Variants in XKR6 observed in about 807,000 individuals in gnomAD.
XKR6 encodes the protein XK-related protein 6.
XKR6 carries 22 observed loss-of-function variants against 56.7 expected under a neutral mutation model. The observed-to-expected ratio is 0.39, with a 90% CI of 0.28 to 0.55. XKR6 has a LOEUF of 0.55. Among genes scored for constraint, XKR6 ranks in the 20% least tolerant of loss-of-function variants. The probability of loss-of-function intolerance (pLI) is 0.66; values close to 1 mark genes in which losing one functional copy is unlikely to be tolerated. For synonymous variants in XKR6, 524 were observed against 387.8 expected (o/e 1.35, Z -4.13); for missense variants, 852 against 889.0 (o/e 0.96, Z 0.53).
At chr8:10,950,620 C>T (rs1421155147) in intron 1 of XKR6, among the ~76,000 whole-genome samples, 2 of 152,208 alleles carry the variant, frequency 1.3e-5, no homozygotes, top group Admixed American at 1.3e-4. Flanking sequence ...CTGAAAACCC[C>T]TGACAAGAAC....
intron 1 of XKR6, among the ~76,000 whole-genome samples, chr8:11,036,417 C>T (rs552953124): frequency 6.6e-6 from 1 of 152,180 alleles, no homozygotes; most frequent in Non-Finnish European, 1.5e-5. Context: ...CTTCTCTGGT[C>T]AAAGAGTTTC....
intron 1 of XKR6, among the ~76,000 whole-genome samples, chr8:11,005,141 G>A (rs1798336050): frequency 6.7e-6 from 1 of 150,146 alleles, no homozygotes; most frequent in Admixed American, 6.6e-5. Context: ...ATTGTATAGG[G>A]CAGGTAGTGT....
chr8:11,038,955 G>C (rs1462520103), intron 1 of XKR6, among the ~76,000 whole-genome samples: 1 of 152,168 alleles, frequency 6.6e-6, no homozygotes, highest in Non-Finnish European at 1.5e-5. Flanking sequence ...TTTCCCACTA[G>C]GGCTGCTTAC....
At chr8:11,144,987 T>C (rs1290345217) in intron 1 of XKR6, among the ~76,000 whole-genome samples, 1 of 99,240 alleles carries the variant, frequency 1.0e-5, no homozygotes, top group Non-Finnish European at 1.9e-5. Flanking sequence ...AAGGGAGGGA[T>C]GGAGAAAGGG....
chr8:11,099,839 G>A (rs1189040640), intron 1 of XKR6, among the ~76,000 whole-genome samples: 3 of 152,166 alleles, frequency 2.0e-5, no homozygotes, highest in African/African-American at 4.8e-5. Flanking sequence ...CCATGGCAGA[G>A]GTGCCACTCT....
intron 1 of XKR6, among the ~76,000 whole-genome samples, chr8:11,119,365 G>GT (rs1321400222): frequency 6.6e-6 from 1 of 152,176 alleles, no homozygotes; most frequent in Admixed American, 6.5e-5. Context: ...GGATAGCCTT[G>GT]TTAACTTTCT....
At chr8:10,933,228 A>G (rs997481054) in intron 1 of XKR6, among the ~76,000 whole-genome samples, 2 of 108,812 alleles carry the variant, frequency 1.8e-5, no homozygotes, top group African/African-American at 8.8e-5. Context: ...TCCCTCGCCC[A>G]CTTTTTGATG....
chr8:10,952,234 G>T (rs754478921), intron 1 of XKR6, among the ~76,000 whole-genome samples: 2 of 152,036 alleles, frequency 1.3e-5, no homozygotes, highest in Non-Finnish European at 2.9e-5. Flanking sequence ...TGACGTTCCC[G>T]CTCTGAAGTG....
At chr8:10,955,404 C>A (rs978955920) in intron 1 of XKR6, among the ~76,000 whole-genome samples, 5 of 152,066 alleles carry the variant, frequency 3.3e-5, no homozygotes, top group Admixed American at 6.6e-5. Context: ...TAGCCTTGAA[C>A]TTTTGGGCTC....
intron 1 of XKR6, among the ~76,000 whole-genome samples, chr8:10,956,514 G>C (rs760923287): frequency 2.6e-5 from 4 of 152,152 alleles, no homozygotes; most frequent in Non-Finnish European, 5.9e-5. Context: ...GCCTCAACTT[G>C]GGAGCTCAGC....
chr8:11,180,283 T>C (rs1374847248), intron 1 of XKR6, among the ~76,000 whole-genome samples: 2 of 152,226 alleles, frequency 1.3e-5, no homozygotes, highest in Non-Finnish European at 2.9e-5. Flanking sequence ...GCATAAAGAA[T>C]GGCTGGAACC....
intron 1 of XKR6, among the ~76,000 whole-genome samples, chr8:10,947,061 G>A (rs898106279): frequency 7.9e-5 from 12 of 152,236 alleles, no homozygotes; most frequent in East Asian, 1.9e-4. Context: ...GGTGAGGATC[G>A]GATGACATAT....
chr8:10,925,170 G>A (rs537687492), intron 1 of XKR6, among the ~76,000 whole-genome samples: 5 of 152,270 alleles, frequency 3.3e-5, no homozygotes, highest in Middle Eastern at 3.4e-3. Context: ...GGTGAGCTCC[G>A]GGACAGGGGT....
At chr8:11,163,148 T>C (rs1397246916) in intron 1 of XKR6, among the ~76,000 whole-genome samples, 1 of 152,178 alleles carries the variant, frequency 6.6e-6, no homozygotes, top group East Asian at 1.9e-4. Flanking sequence ...AAAATGATCA[T>C]AAAATCCACA....
intron 2 of XKR6, among the ~76,000 whole-genome samples, chr8:10,914,648 G>A (rs1471759814): frequency 6.6e-6 from 1 of 152,192 alleles, no homozygotes; most frequent in Non-Finnish European, 1.5e-5. Flanking sequence ...TGAGATTGGA[G>A]AGATCTGAGC....
intron 1 of XKR6, among the ~76,000 whole-genome samples, chr8:11,193,436 A>C (rs1803693242): frequency 6.6e-6 from 1 of 152,238 alleles, no homozygotes; most frequent in Non-Finnish European, 1.5e-5. Flanking sequence ...CCACATTAGA[A>C]ATACAGAAAT....
At chr8:10,900,857 C>CTCTTTT (rs1800016475) in intron 2 of XKR6, among the ~76,000 whole-genome samples, 1 of 114,372 alleles carries the variant, frequency 8.7e-6, no homozygotes. Context: ...GTGCAATTAC[C>CTCTTTT]TTTTTTTTTT....
intron 1 of XKR6, among the ~76,000 whole-genome samples, chr8:11,036,451 C>T (rs1185387239): frequency 1.3e-5 from 2 of 152,184 alleles, no homozygotes; most frequent in Non-Finnish European, 2.9e-5. Flanking sequence ...GTGAATCTTG[C>T]TACCGGCAGC....
At chr8:11,159,784 G>A (rs1427303800) in intron 1 of XKR6, among the ~76,000 whole-genome samples, 1 of 152,222 alleles carries the variant, frequency 6.6e-6, no homozygotes, top group Admixed American at 6.5e-5. Flanking sequence ...TTCTAGCCAA[G>A]GAGGGGCAAC....
Sources: allele counts gnomAD v4.1 joint callset (sites outside exome capture counted in the v4.1 genomes callset), GRCh38; gene constraint gnomAD v4.1.1; transcripts MANE v1.5; gene names NCBI Gene and HGNC (gene_info 2026-07-23, HGNC 2026-07-21).